FANCA: variants seen among roughly 807,000 people sequenced by gnomAD.
FANCA encodes the protein Fanconi anemia group A protein.
Under a neutral mutation model 194.3 loss-of-function variants are expected in FANCA, and 236 were observed. The observed-to-expected ratio is 1.21, with a 90% CI of 1.09 to 1.35. The LOEUF (loss-of-function observed/expected upper bound fraction) is 1.35. Ranked by LOEUF, FANCA falls within the 40% of genes most tolerant of loss-of-function variation. The probability of loss-of-function intolerance (pLI) is 0.00; values close to 1 mark genes in which losing one functional copy is unlikely to be tolerated. For missense variants in FANCA, 2,628 were observed against 1,813.9 expected (o/e 1.45, Z -8.15); for synonymous variants, 1,014 against 715.8 (o/e 1.42, Z -6.65).
In FANCA at chr16:89,774,133, C is replaced by G. The variant is rs575821113; in HGVS notation, c.1901-749G>C. 1.1e-4 allele frequency among the ~76,000 whole-genome samples: 16 copies of G among 152,224 alleles called. No individual in the cohort carries two copies. In the East Asian group the frequency reaches 1.2e-3, roughly 11 times the overall value. On this transcript the variant is annotated intron_variant, in intron 21 of 42. Transcript: ENST00000389301. ...TTTTAAAGTAAAAAACCTTCAAGTT[C>G]TGGGGTTGCTGGAGAAGACACAAGC... is the stretch of plus-strand genomic sequence containing the variant.
intron 30 of FANCA, among the ~76,000 whole-genome samples, chr16:89,757,040 G>C (rs963647435): frequency 2.0e-5 from 3 of 152,170 alleles, no homozygotes; most frequent in African/African-American, 4.8e-5. Flanking sequence ...ATGTAGTGGT[G>C]TTTTCACAGC....
intron 8 of FANCA, among the ~76,000 whole-genome samples, chr16:89,801,343 C>CAAAAAAAAAAAAAA (rs60802306): frequency 3.0e-5 from 3 of 100,334 alleles, no homozygotes; most frequent in African/African-American, 1.1e-4. Context: ...GACTCTGTCT[C>CAAAAAAAAAAAAAA]AAAAAAAAAA....
chr16:89,742,739 T>G (rs112352458), intron 37 of FANCA, 61 bp downstream of exon 37: 1 of 1,514,922 alleles, frequency 6.6e-7, no homozygotes, highest in Non-Finnish European at 8.9e-7. Context: ...CCCAGAGAAA[T>G]AGCACTGATT....
chr16:89,747,416 G>A (rs772055437), intron 33 of FANCA, among the ~76,000 whole-genome samples: 1 of 152,188 alleles, frequency 6.6e-6, no homozygotes, highest in Admixed American at 6.6e-5. Flanking sequence ...ACATTTTGAA[G>A]TGCTGCACAA....
chr16:89,807,218 C>G (rs1454204505), intron 6 of FANCA, among the ~76,000 whole-genome samples: 3 of 140,462 alleles, frequency 2.1e-5, no homozygotes, highest in Non-Finnish European at 4.5e-5. Flanking sequence ...AAATTCTGCT[C>G]TAGGCCGAGG....
chr16:89,778,826 C>T lies in FANCA; in HGVS notation c.1801G>A (p.Val601Met). Reference sequence around the variant, plus strand: ...CTCTTCAGAGACTCTATAAACGCCACACGGGAGTCAGGGACTTTGGGGAGC... The same window carrying T: ...CTCTTCAGAGACTCTATAAACGCCATACGGGAGTCAGGGACTTTGGGGAGC... ...RVLPKVPDSR[V>M]AFIESLKRAD... Residue 601 changes from valine (V) to methionine (M), a missense_variant, in exon 20 of 43, where the codon GTG becomes ATG. Val to Met is a conservative substitution (Grantham distance 21). Transcript: ENST00000389301. 1.2e-6 allele frequency: 2 copies of T among 1,614,046 alleles called. No homozygotes were observed. The highest frequency in any genetic ancestry group is 8.5e-7 in the Non-Finnish European group (1 of 1,180,022).
At chr16:89,802,304 T>C (rs1413914953) in intron 8 of FANCA, among the ~76,000 whole-genome samples, 1 of 150,318 alleles carries the variant, frequency 6.7e-6, no homozygotes, top group Non-Finnish European at 1.5e-5. Flanking sequence ...GGTTTCACCA[T>C]GTTGGTCAGG....
chr16:89,810,677 G>C (rs1176200037), intron 5 of FANCA, 30 bp downstream of exon 5: 2 of 1,387,090 alleles, frequency 1.4e-6, no homozygotes, highest in East Asian at 4.6e-5. Flanking sequence ...CTGGAACACT[G>C]GAGAGTCAGA....
intron 33 of FANCA, among the ~76,000 whole-genome samples, chr16:89,748,078 A>T (rs1293105887): frequency 2.0e-5 from 3 of 151,972 alleles, no homozygotes; most frequent in Non-Finnish European, 4.4e-5. Flanking sequence ...TACCCAGCTA[A>T]TTTTTCTATT....
chr16:89,764,705 A>G, intron 28 of FANCA, 185 bp downstream of exon 28: 1 of 738,250 alleles, frequency 1.4e-6, no homozygotes, highest in South Asian at 1.4e-5. Context: ...CTGAGGAGAC[A>G]GTCGGCACAC....
intron 26 of FANCA, among the ~76,000 whole-genome samples, chr16:89,767,865 T>C (rs2039185554): frequency 6.6e-6 from 1 of 152,176 alleles, no homozygotes; most frequent in Non-Finnish European, 1.5e-5. Flanking sequence ...TAATTTTTTT[T>C]AGTAGAGACG....
chr16:89,789,402 T>C (rs943083333), intron 14 of FANCA, among the ~76,000 whole-genome samples: 3 of 150,878 alleles, frequency 2.0e-5, no homozygotes, highest in African/African-American at 7.3e-5. Flanking sequence ...AGGCAACTAC[T>C]TCACCGAGGT....
chr16:89,762,546 G>C (rs2038986371), intron 28 of FANCA: 1 of 217,388 alleles, frequency 4.6e-6, no homozygotes, highest in African/African-American at 2.5e-5. Flanking sequence ...GTGAGTAACA[G>C]AGTGAGAACT....
intron 34 of FANCA, 21 bp from the exon 35 acceptor site, chr16:89,746,709 G>T (rs557783420): frequency 1.2e-6 from 2 of 1,611,744 alleles, no homozygotes; most frequent in South Asian, 2.2e-5. Flanking sequence ...GAACGCAGCA[G>T]GAGGTCAGCG....
intron 7 of FANCA, 51 bp downstream of exon 7, chr16:89,805,229 A>G (rs921984856): frequency 7.1e-7 from 1 of 1,415,170 alleles, no homozygotes; most frequent in Non-Finnish European, 9.9e-7. Flanking sequence ...AGGCATTATC[A>G]CAGATCAAAA....
In FANCA at chr16:89,749,580, A is replaced by G. The variant is rs1285746265; in HGVS notation, c.3239+150T>C. 1.4e-5 allele frequency: 14 copies of G among 999,990 alleles called. No individual in the cohort carries two copies. The Admixed American group carries it at 2.9e-4, about 20-fold the overall frequency. The allele number at this position is 999,990 out of a possible 1,614,324, so 61.9% of individuals were successfully genotyped here. ...CCCTCCAGATCCTCTTCTCCGTGGC[A>G]TGTGCCACAGAAATGGACAGGCTTG... On this transcript the variant is annotated intron_variant, in intron 32 of 42. Coordinates refer to ENST00000389301, the MANE Select transcript of FANCA (RefSeq NM_000135.4).
chr16:89,770,710 G>A (rs1044664117), intron 23 of FANCA, 76 bp from the exon 24 acceptor site: 19 of 1,276,740 alleles, frequency 1.5e-5, no homozygotes, highest in African/African-American at 5.9e-5. Flanking sequence ...CAGCGCTCCC[G>A]CCACAGACAT....
At chr16:89,816,351 G>T (rs1780337918) in intron 1 of FANCA, 186 bp downstream of exon 1, 1 of 322,674 alleles carries the variant, frequency 3.1e-6, no homozygotes, top group Non-Finnish European at 5.4e-6. Flanking sequence ...CGTCCGCCCA[G>T]GCGCAGGAGG....
rs1360481164 is a variant in FANCA at position 89,815,900 on chromosome 16, C to T, written c.166G>A (p.Asp56Asn). 3.7e-6 allele frequency: 6 copies of T among 1,614,034 alleles called. No individual in the cohort carries two copies. The highest frequency in any genetic ancestry group is 5.1e-6 in the Non-Finnish European group (6 of 1,179,866). ...SAVRLLRSHQ[D>N]LNALLLEVEG... ...ACCTCAAGCAAAAGGGCATTCAGGT[C>T]CTGATGGCTTCGCAGGAGGCGCACA... Residue 56 changes from aspartate (D) to asparagine (N), a missense_variant, in exon 2 of 43, where the codon GAC becomes AAC. Asp to Asn is a conservative substitution (Grantham distance 23). Transcript: ENST00000389301.
Sources: allele counts gnomAD v4.1 joint callset (sites outside exome capture counted in the v4.1 genomes callset), GRCh38; gene constraint gnomAD v4.1.1; transcripts MANE v1.5; gene names NCBI Gene and HGNC (gene_info 2026-07-23, HGNC 2026-07-21).